The following ODR4 variants were observed in gnomAD, a reference collection of about 807,000 sequenced individuals.
The protein encoded by ODR4 is odr-4 GPCR localization factor homolog.
Under a neutral mutation model 60.2 loss-of-function variants are expected in ODR4, and 47 were observed. The ratio of observed to expected loss-of-function variants is 0.78; its 90% CI spans 0.62 to 1.00. The LOEUF (loss-of-function observed/expected upper bound fraction) is 1.00, where lower values mean the gene tolerates loss of function less well. ODR4 is among the 50% of genes least tolerant of loss of function. The pLI, the probability that ODR4 is intolerant of heterozygous loss-of-function variation, is 0.00. For synonymous variants in ODR4, 178 were observed against 175.5 expected (o/e 1.01, Z -0.11); for missense variants, 488 against 530.8 (o/e 0.92, Z 0.79).
chr1:186,397,272 A>C (rs751417507), intron 9 of ODR4, among the ~76,000 whole-genome samples: 1 of 152,200 alleles, frequency 6.6e-6, no homozygotes, highest in African/African-American at 2.4e-5. Context: ...GCATAAGCAC[A>C]TAGGCACAAA....
chr1:186,413,914 C>T (rs1392244813), intron 12 of ODR4, among the ~76,000 whole-genome samples: 2 of 152,120 alleles, frequency 1.3e-5, no homozygotes, highest in African/African-American at 2.4e-5. Flanking sequence ...CCCTTGTTTT[C>T]TCTCTCTTTT....
chr1:186,401,918 A>G (rs552709697), intron 11 of ODR4, among the ~76,000 whole-genome samples: 46 of 152,232 alleles, frequency 3.0e-4, no homozygotes, highest in African/African-American at 1.1e-3. Context: ...GTTTGAGAAT[A>G]ATTGGTATTA....
downstream of ODR4, among the ~76,000 whole-genome samples, chr1:186,425,053 G>A (rs770304971): frequency 1.3e-5 from 2 of 151,822 alleles, no homozygotes; most frequent in Admixed American, 1.3e-4. Flanking sequence ...GAAATCTTTG[G>A]TAGTTACAAT....
chr1:186,424,135 G>A (rs1236811771), downstream of ODR4, among the ~76,000 whole-genome samples: 4 of 152,134 alleles, frequency 2.6e-5, no homozygotes, highest in African/African-American at 9.7e-5. Flanking sequence ...GCTTGTGGCA[G>A]CCCTGTTTTT....
chr1:186,392,155 G>A (rs1660494793), intron 8 of ODR4, among the ~76,000 whole-genome samples: 1 of 152,204 alleles, frequency 6.6e-6, no homozygotes, highest in Non-Finnish European at 1.5e-5. Context: ...CAAGGCTGCA[G>A]AGAAAAAGGA....
intron 1 of ODR4, among the ~76,000 whole-genome samples, chr1:186,379,182 G>A (rs1277551330): frequency 1.3e-5 from 2 of 151,760 alleles, no homozygotes; most frequent in Non-Finnish European, 2.9e-5. Flanking sequence ...GGTGGCTCAC[G>A]CCTGTAATCC....
chr1:186,422,040 AT>A (rs1661798196), downstream of ODR4, among the ~76,000 whole-genome samples: 1 of 152,086 alleles, frequency 6.6e-6, no homozygotes, highest in African/African-American at 2.4e-5. Flanking sequence ...TGAATAGACA[AT>A]TACCCAATTA....
At chr1:186,415,703 A>G (rs575765711) in intron 12 of ODR4, among the ~76,000 whole-genome samples, 10 of 150,232 alleles carry the variant, frequency 6.7e-5, no homozygotes, top group Admixed American at 2.0e-4. Flanking sequence ...GTCCTAGGGG[A>G]AAAAAACAGA....
chr1:186,406,517 A>G (rs1259241884), intron 12 of ODR4, among the ~76,000 whole-genome samples: 2 of 152,188 alleles, frequency 1.3e-5, no homozygotes, highest in Non-Finnish European at 2.9e-5. Context: ...TAGCAAGTAG[A>G]TCTTAATAAA....
chr1:186,405,500 T>C (rs1189782554), intron 11 of ODR4, among the ~76,000 whole-genome samples: 1 of 152,218 alleles, frequency 6.6e-6, no homozygotes, highest in East Asian at 1.9e-4. Flanking sequence ...CAGTGGGTCG[T>C]ATAAGAATGT....
intron 4 of ODR4, 151 bp from the exon 5 acceptor site, chr1:186,388,291 G>A: frequency 2.0e-6 from 1 of 491,904 alleles, no homozygotes; most frequent in Non-Finnish European, 3.5e-6. Context: ...AGGCCAGCTT[G>A]AGCAACATAG....
the ODR4 span, among the ~76,000 whole-genome samples, chr1:186,428,672 C>A: frequency 6.6e-6 from 1 of 152,178 alleles, no homozygotes; most frequent in East Asian, 1.9e-4. Flanking sequence ...TTAGCTTAAT[C>A]ATTTCTAGCT....
rs548600874 is a variant in ODR4 at position 186,382,935 on chromosome 1, C to T, written c.100-87C>T. 390 of 1,357,732 alleles carry T rather than the reference C, an allele frequency of 2.9e-4. 1 individual carries two copies. The African/African-American group carries it at 5.1e-3, about 18-fold the overall frequency. The allele number at this position is 1,357,732 out of a possible 1,614,324, so 84.1% of individuals were successfully genotyped here. On this transcript the variant is annotated intron_variant, in intron 2 of 13. Coordinates refer to ENST00000287859, the MANE Select transcript of ODR4 (RefSeq NM_017847.6). Reference sequence around the variant, plus strand: ...CAAATATTACTCAGTTTTTGCATGTCATAAAAGCTAAGGAATTTAGGTATC... The same window carrying T: ...CAAATATTACTCAGTTTTTGCATGTTATAAAAGCTAAGGAATTTAGGTATC...
At chr1:186,425,118 C>G (rs577404808), downstream of ODR4, among the ~76,000 whole-genome samples, 1 of 152,014 alleles carries the variant, frequency 6.6e-6, no homozygotes, top group Non-Finnish European at 1.5e-5. Context: ...TTCACTACCT[C>G]CTAGGAAACC....
At chr1:186,381,038 G>A (rs1659999658) in intron 2 of ODR4, among the ~76,000 whole-genome samples, 3 of 152,198 alleles carry the variant, frequency 2.0e-5, no homozygotes, top group African/African-American at 7.2e-5. Flanking sequence ...ACTCTGTGAG[G>A]CCTCTCATTA....
rs1198970217 is a variant in ODR4 at position 186,406,163 on chromosome 1, A to C, written c.1081A>C (p.Lys361Gln). Residue 361 changes from lysine (K) to glutamine (Q), a missense_variant, in exon 12 of 14, where the codon AAA (lysine) becomes CAA (glutamine). Physicochemically the swap from Lys to Gln is moderately conservative, Grantham distance 53. Transcript: ENST00000287859. ...ATCCACTGTAATGTTGTGTGATTAT[A>C]AATTTGACGATGAGTCAGCTGAAGA... ...PGSTVMLCDY[K>Q]FDDESAEEIR... The C allele has an allele frequency of 6.2e-6, 10 of 1,612,736 alleles. No homozygotes were observed. The highest frequency in any genetic ancestry group is 3.3e-4 in the Middle Eastern group (2 of 6,052).
chr1:186,423,270 T>C (rs1272918501), downstream of ODR4, among the ~76,000 whole-genome samples: 3 of 152,056 alleles, frequency 2.0e-5, no homozygotes, highest in African/African-American at 7.2e-5. Context: ...CTTACTGATA[T>C]TAAATCAGAG....
At chr1:186,433,009 C>A in the ODR4 span, among the ~76,000 whole-genome samples, 4 of 152,134 alleles carry the variant, frequency 2.6e-5, no homozygotes. Flanking sequence ...TGGTCTCGAA[C>A]TCCTGACCTC....
intron 12 of ODR4, among the ~76,000 whole-genome samples, chr1:186,409,387 AC>A (rs1239570928): frequency 2.0e-5 from 3 of 152,220 alleles, no homozygotes; most frequent in African/African-American, 7.2e-5. Context: ...TCTCTTGCTT[AC>A]TGTTGTGTTT....
Sources: allele counts gnomAD v4.1 joint callset (sites outside exome capture counted in the v4.1 genomes callset), GRCh38; gene constraint gnomAD v4.1.1; transcripts MANE v1.5; gene names NCBI Gene and HGNC (gene_info 2026-07-23, HGNC 2026-07-21).